The following RHCE variants were observed in gnomAD, a reference collection of about 807,000 sequenced individuals.
The protein encoded by RHCE is blood group Rh(CE) polypeptide.
In RHCE, 22 loss-of-function variants were observed where a neutral mutation model predicts 43.8. The ratio of observed to expected loss-of-function variants is 0.50; its 90% CI spans 0.36 to 0.72. The LOEUF is 0.72. Among genes scored for constraint, RHCE ranks in the 30% least tolerant of loss-of-function variants. RHCE has a pLI of 0.00. For missense variants in RHCE, 385 were observed against 525.4 expected, an observed-to-expected ratio of 0.73 and a Z score of 2.61; for synonymous variants, 156 against 210.7, an observed-to-expected ratio of 0.74 and a Z score of 2.25.
chr1:25,413,547 G>A (rs1187704885), intron 1 of RHCE, among the ~76,000 whole-genome samples: 5 of 152,214 alleles, frequency 3.3e-5, no homozygotes, highest in Non-Finnish European at 4.4e-5. Context: ...ACATTCTACG[G>A]AAAGCCTTCA....
rs2124429282 is a variant in RHCE at position 25,391,993 on chromosome 1, C to A, written c.634+1G>T. ...GACCACTCACCCCACCTTGTCCTTACCCAGCATGGCAGACAAACTGGGTAT... is the reference window on the plus strand; with the variant it reads ...GACCACTCACCCCACCTTGTCCTTAACCAGCATGGCAGACAAACTGGGTAT... On this transcript the variant is annotated splice_donor_variant, in intron 4 of 9. Coordinates refer to ENST00000294413, the MANE Select transcript of RHCE (RefSeq NM_020485.8). LOFTEE classifies it high-confidence loss of function. 1.9e-6 allele frequency: 3 copies of A among 1,613,880 alleles called. No homozygotes were observed. Among genetic ancestry groups the A allele is most frequent in the Non-Finnish European group, 2.5e-6 (3 of 1,179,990 alleles).
chr1:25,385,342 C>T (rs1646119869), intron 7 of RHCE, among the ~76,000 whole-genome samples: 1 of 152,200 alleles, frequency 6.6e-6, no homozygotes, highest in African/African-American at 2.4e-5. Flanking sequence ...AAGGTTAAGC[C>T]GCATGCCCAG....
chr1:25,416,203 C>T (rs78207142), intron 1 of RHCE, among the ~76,000 whole-genome samples: 19,031 of 151,652 alleles, frequency 0.13, 1,296 homozygotes, highest in East Asian at 0.24. Context: ...GGATTTGATA[C>T]GCATTTCTCT....
At chr1:25,390,055 C>T (rs1317107926) in intron 5 of RHCE, among the ~76,000 whole-genome samples, 5 of 152,144 alleles carry the variant, frequency 3.3e-5, no homozygotes, top group Non-Finnish European at 7.4e-5. Flanking sequence ...GCCTCCCACC[C>T]GAGCCCCACC....
intron 3 of RHCE, 124 bp from the exon 4 acceptor site, chr1:25,392,265 T>C: frequency 6.6e-7 from 1 of 1,518,456 alleles, no homozygotes; most frequent in East Asian, 2.3e-5. Context: ...ACGAGACTGG[T>C]GTTCAGAGCT....
chr1:25,379,470 TATATATATATATATATATATATA>T (rs1645897883), intron 7 of RHCE, among the ~76,000 whole-genome samples: 1 of 6,478 alleles, frequency 1.5e-4, no homozygotes, highest in African/African-American at 7.8e-4. Flanking sequence ...TATATATATA[TATATATATATATATATATATATA>T]TATTTTTTTT....
At chr1:25,388,774 A>G (rs902552465) in intron 6 of RHCE, among the ~76,000 whole-genome samples, 4 of 152,136 alleles carry the variant, frequency 2.6e-5, no homozygotes, top group African/African-American at 4.8e-5. Flanking sequence ...AGCAAGCTCA[A>G]ATGGGTTCTG....
chr1:25,386,548 C>T (rs1228725379), intron 6 of RHCE, among the ~76,000 whole-genome samples: 2 of 152,126 alleles, frequency 1.3e-5, no homozygotes, highest in African/African-American at 4.8e-5. Flanking sequence ...AGGTCGGGCA[C>T]GGTGGCTCAT....
rs147389772 is a variant in RHCE, at chr1:25,409,852, G to T, written c.149-983C>A. Among the ~76,000 whole-genome samples the T allele has an allele frequency of 3.6e-3, 544 of 151,622 alleles. 4 individuals are homozygous for T. Among genetic ancestry groups the T allele is most frequent in the African/African-American group, 0.012 (516 of 41,404 alleles). ...CCATTTTACAGATATGAAAACCAAG[G>T]CACAGAGGCGTTATGTAACTTGCCC... On this transcript the variant is annotated intron_variant, in intron 1 of 9. Coordinates refer to ENST00000294413, the MANE Select transcript of RHCE (RefSeq NM_020485.8).
At chr1:25,409,341 G>A (rs1372130702) in intron 1 of RHCE, among the ~76,000 whole-genome samples, 1 of 124,064 alleles carries the variant, frequency 8.1e-6, no homozygotes, top group African/African-American at 2.5e-5. Flanking sequence ...AGAGAGGGCA[G>A]AGATAGGCCC....
chr1:25,403,237 G>T (rs1351462564), intron 2 of RHCE, among the ~76,000 whole-genome samples: 2 of 152,080 alleles, frequency 1.3e-5, no homozygotes, highest in African/African-American at 4.8e-5. Context: ...AACTGGATTT[G>T]GAATCAGGAC....
At chr1:25,395,900 T>C (rs200714825) in intron 3 of RHCE, among the ~76,000 whole-genome samples, 2,163 of 113,946 alleles carry the variant, frequency 0.019, 16 homozygotes, top group African/African-American at 0.036. Flanking sequence ...GAAAGTTGGA[T>C]GATCAACAGG....
In RHCE at chr1:25,380,032, G is replaced by T. The variant is rs530119024; in HGVS notation, c.1074-4604C>A. On this transcript the variant is annotated intron_variant, in intron 7 of 9. Transcript: ENST00000294413. Reference sequence around the variant, plus strand: ...CCAACTCAAAATTCCAAAGTCCATGGTCTCATCTAAATCAGATGTGGGTGA... The same window carrying T: ...CCAACTCAAAATTCCAAAGTCCATGTTCTCATCTAAATCAGATGTGGGTGA... Among the ~76,000 whole-genome samples, 12 of 148,578 alleles carry T rather than the reference G, an allele frequency of 8.1e-5. No individual in the cohort carries two copies. The South Asian group carries it at 2.6e-3, about 32-fold the overall frequency.
chr1:25,390,524 A>G (rs1646323941), intron 5 of RHCE, among the ~76,000 whole-genome samples: 2 of 152,108 alleles, frequency 1.3e-5, no homozygotes, highest in Admixed American at 6.5e-5. Flanking sequence ...GATGGATTTA[A>G]TCACTCCCCC....
chr1:25,416,823 G>A (rs1308778668), intron 1 of RHCE, among the ~76,000 whole-genome samples: 7 of 148,952 alleles, frequency 4.7e-5, no homozygotes, highest in Admixed American at 4.7e-4. Flanking sequence ...AGATGGCGGG[G>A]GGGGGTCTCC....
intron 7 of RHCE, among the ~76,000 whole-genome samples, chr1:25,377,602 A>G (rs1645828554): frequency 6.6e-6 from 1 of 152,082 alleles, no homozygotes. Flanking sequence ...ACCATTAAGA[A>G]AGTAAAAGGT....
At chr1:25,406,630 G>T (rs1257574710) in intron 2 of RHCE, among the ~76,000 whole-genome samples, 5 of 80,606 alleles carry the variant, frequency 6.2e-5, no homozygotes, top group African/African-American at 1.0e-4. Flanking sequence ...GTTGTTTTTG[G>T]TTTTTTTTTT....
chr1:25,378,461 C>T lies in RHCE; in HGVS notation c.1074-3033G>A, dbSNP rs182042062. On this transcript the variant is annotated intron_variant, in intron 7 of 9. Coordinates refer to ENST00000294413, the MANE Select transcript of RHCE (RefSeq NM_020485.8). ...GGATAAATAAATTCTGCTGCATTCA[C>T]ACAATGGAACACTTGTTCCAACTAT... is the stretch of plus-strand genomic sequence containing the variant. Among the ~76,000 whole-genome samples, 366 of 152,360 alleles carry T rather than the reference C, an allele frequency of 2.4e-3. 8 individuals carry two copies. The highest frequency in any genetic ancestry group is 3.4e-3 in the Middle Eastern group (1 of 294).
intron 7 of RHCE, among the ~76,000 whole-genome samples, chr1:25,385,290 G>T (rs1259030226): frequency 1.3e-5 from 2 of 152,204 alleles, no homozygotes; most frequent in African/African-American, 4.8e-5. Context: ...AGGGGAGATA[G>T]TATCCTTATC....
Sources: gnomAD v4.1 joint callset for allele counts (sites outside exome capture counted in the v4.1 genomes callset) on GRCh38, gnomAD v4.1.1 for gene constraint, MANE v1.5 for transcripts, NCBI Gene and HGNC (gene_info 2026-07-23, HGNC 2026-07-21) for gene names.